The following PCDH15 variants were observed in gnomAD, a reference collection of about 807,000 sequenced individuals.
PCDH15 encodes the protein protocadherin related 15, also known as protocadherin-15.
PCDH15 carries 129 observed loss-of-function variants against 178.5 expected under a neutral mutation model. The observed-to-expected ratio is 0.72, with a 90% CI of 0.63 to 0.84. The LOEUF is 0.84. PCDH15 is among the 40% of genes least tolerant of loss of function. The pLI, the probability that PCDH15 is intolerant of heterozygous loss-of-function variation, is 0.00. For synonymous variants in PCDH15, 800 were observed against 732.0 expected (o/e 1.09, Z -1.50); for missense variants, 2,230 against 2,099.9 (o/e 1.06, Z -1.21).
At chr10:55,135,031 C>G (rs949984542) in intron 2 of PCDH15, among the ~76,000 whole-genome samples, 1 of 152,034 alleles carries the variant, frequency 6.6e-6, no homozygotes, top group Non-Finnish European at 1.5e-5. Flanking sequence ...TGTGATCACT[C>G]CTATATAAGC....
chr10:54,479,806 T>C (rs1272891841), intron 3 of PCDH15, among the ~76,000 whole-genome samples: 2 of 152,064 alleles, frequency 1.3e-5, no homozygotes, highest in Non-Finnish European at 2.9e-5. Flanking sequence ...TATATAAACA[T>C]ATAGTAAGCA....
At chr10:54,981,531 G>A (rs186313559) in intron 2 of PCDH15, among the ~76,000 whole-genome samples, 3 of 152,212 alleles carry the variant, frequency 2.0e-5, no homozygotes, top group East Asian at 3.9e-4. Context: ...ATTTCTAAAT[G>A]GTAGGGCTTA....
At position 54,307,102 on chromosome 10, in the gene PCDH15, G is replaced by GTA. The variant is rs2060582869; in HGVS notation, c.876+10168_876+10169insTA. 8.5e-4 allele frequency among the ~76,000 whole-genome samples: 10 copies of GTA among 11,730 alleles called. 1 individual carries two copies. The highest frequency in any genetic ancestry group is 4.7e-3 in the Admixed American group (4 of 858). 7.7% of individuals were successfully genotyped at this position (11,730 alleles called of 152,430 possible). Reference sequence around the variant, plus strand: ...TATACATATATATATATGTGTGTGTGTGTATATATATATATATATATATAT... The same window carrying GTA: ...TATACATATATATATATGTGTGTGTGTATGTATATATATATATATATATATAT... On this transcript the variant is annotated intron_variant, in intron 8 of 37. Transcript: ENST00000644397.
chr10:54,236,676 T>A, intron 9 of PCDH15, 147 bp downstream of exon 9: 2 of 720,074 alleles, frequency 2.8e-6, no homozygotes, highest in Non-Finnish European at 4.8e-6. Flanking sequence ...TCTTGAATTA[T>A]TATTTTTAAA....
chr10:54,074,657 T>A (rs1365510807), intron 17 of PCDH15, among the ~76,000 whole-genome samples: 1 of 152,190 alleles, frequency 6.6e-6, no homozygotes, highest in African/African-American at 2.4e-5. Flanking sequence ...GCTATGAACA[T>A]GGGAATACAA....
At chr10:54,662,292 T>A (rs376121557) in intron 2 of PCDH15, among the ~76,000 whole-genome samples, 46 of 151,938 alleles carry the variant, frequency 3.0e-4, no homozygotes, top group African/African-American at 1.1e-3. Flanking sequence ...AACAAACATA[T>A]GAAAAAACAT....
At chr10:54,701,647 T>C (rs1441170387) in intron 1 of PCDH15, among the ~76,000 whole-genome samples, 2 of 151,710 alleles carry the variant, frequency 1.3e-5, no homozygotes, top group Admixed American at 1.3e-4. Context: ...AAAGCATGGG[T>C]TGCTATTTTA....
At chr10:54,298,616 A>G (rs1015169230) in intron 8 of PCDH15, among the ~76,000 whole-genome samples, 10 of 152,332 alleles carry the variant, frequency 6.6e-5, no homozygotes, top group South Asian at 6.2e-4. Context: ...CCAGAGGGCA[A>G]AGGTTCTCTG....
intron 13 of PCDH15, among the ~76,000 whole-genome samples, chr10:54,161,634 T>G (rs1346240390): frequency 6.7e-6 from 1 of 149,698 alleles, no homozygotes; most frequent in Non-Finnish European, 1.5e-5. Context: ...AACTTACATT[T>G]GTCTCATGGG....
At chr10:54,910,901 T>TGAG (rs1272226258) in intron 2 of PCDH15, among the ~76,000 whole-genome samples, 2 of 152,180 alleles carry the variant, frequency 1.3e-5, no homozygotes, top group African/African-American at 4.8e-5. Flanking sequence ...GACTTCACAG[T>TGAG]GCAGAGGCAA....
chr10:54,595,216 C>T (rs1284081147), intron 2 of PCDH15, among the ~76,000 whole-genome samples: 1 of 152,152 alleles, frequency 6.6e-6, no homozygotes, highest in East Asian at 1.9e-4. Flanking sequence ...GTGTTGTGAC[C>T]AGCAGTCTGA....
rs542959709 is a variant in PCDH15, at chr10:54,401,312, G to GA, written c.158-22371dup. On this transcript the variant is annotated intron_variant, in intron 3 of 37. Coordinates refer to ENST00000644397, the MANE Select transcript of PCDH15 (RefSeq NM_001384140.1). ...ACAGAAAAACTGTATATGACTTTTG[G>GA]AAAAAAAATGAGAGATTTAGGGCAA... is the stretch of plus-strand genomic sequence containing the variant. Among the ~76,000 whole-genome samples the GA allele has an allele frequency of 2.9e-4, 44 of 151,046 alleles. No individual in the cohort carries two copies. In the South Asian group the frequency reaches 5.0e-3, roughly 17 times the overall value.
intron 1 of PCDH15, among the ~76,000 whole-genome samples, chr10:54,710,303 T>C (rs1328505908): frequency 6.6e-6 from 1 of 152,044 alleles, no homozygotes; most frequent in Non-Finnish European, 1.5e-5. Context: ...TTACAAACAC[T>C]GAGAAATCAA....
intron 2 of PCDH15, among the ~76,000 whole-genome samples, chr10:55,359,148 G>A (rs137975997): frequency 0.012 from 1,800 of 151,892 alleles, 34 homozygotes; most frequent in African/African-American, 0.04. Flanking sequence ...TGTGAGTTAG[G>A]GTGGCACCAC....
intron 2 of PCDH15, among the ~76,000 whole-genome samples, chr10:55,084,908 C>T (rs1393375619): frequency 6.6e-6 from 1 of 151,776 alleles, no homozygotes. Context: ...TGGCTTTCAT[C>T]CAAAAGACAG....
intron 1 of PCDH15, among the ~76,000 whole-genome samples, chr10:54,800,207 C>T (rs558218111): frequency 1.3e-5 from 2 of 152,128 alleles, no homozygotes; most frequent in East Asian, 3.9e-4. Flanking sequence ...TATTCAGGGC[C>T]CACCCACTCT....
At chr10:54,520,447 A>G (rs1241991974) in intron 3 of PCDH15, among the ~76,000 whole-genome samples, 1 of 152,208 alleles carries the variant, frequency 6.6e-6, no homozygotes, top group East Asian at 1.9e-4. Flanking sequence ...TATGCAGCCA[A>G]AAAACACATG....
chr10:54,194,809 A>G (rs2049432941), intron 11 of PCDH15, among the ~76,000 whole-genome samples: 2 of 152,122 alleles, frequency 1.3e-5, no homozygotes, highest in African/African-American at 2.4e-5. Flanking sequence ...TCACAAACTC[A>G]AAGGAAAATC....
intron 1 of PCDH15, among the ~76,000 whole-genome samples, chr10:55,255,155 A>G (rs970459406): frequency 6.6e-6 from 1 of 152,044 alleles, no homozygotes; most frequent in Non-Finnish European, 1.5e-5. Flanking sequence ...TCCTGTGTCC[A>G]TGTATTCTCG....
Sources: allele counts gnomAD v4.1 joint callset (sites outside exome capture counted in the v4.1 genomes callset), GRCh38; gene constraint gnomAD v4.1.1; transcripts MANE v1.5; gene names NCBI Gene and HGNC (gene_info 2026-07-23, HGNC 2026-07-21).